DLEU7: variants seen among roughly 807,000 people sequenced by gnomAD.
DLEU7 encodes leukemia-associated protein 7.
A neutral mutation model predicts 16.0 loss-of-function variants in DLEU7; 17 were observed. The observed-to-expected ratio is 1.06, with a 90% CI of 0.73 to 1.59. The LOEUF (loss-of-function observed/expected upper bound fraction) is 1.59. Ranked by LOEUF, DLEU7 falls within the 40% of genes most tolerant of loss-of-function variation. The pLI, the probability that DLEU7 is intolerant of heterozygous loss-of-function variation, is 0.00. For synonymous variants in DLEU7, 113 were observed against 139.8 expected (o/e 0.81, Z 1.35); for missense variants, 308 against 314.9 (o/e 0.98, Z 0.17).
intron 1 of DLEU7, among the ~76,000 whole-genome samples, chr13:50,749,284 A>G (rs963156025): frequency 6.6e-6 from 1 of 152,008 alleles, no homozygotes; most frequent in African/African-American, 2.4e-5. Context: ...CTATTTTTAT[A>G]TATCTATATA....
chr13:50,758,551 C>A (rs1269512301), intron 1 of DLEU7, among the ~76,000 whole-genome samples: 1 of 152,180 alleles, frequency 6.6e-6, no homozygotes, highest in Admixed American at 6.5e-5. Flanking sequence ...GTTAAGCAGT[C>A]ACTTAGGGCT....
chr13:50,738,687 C>G (rs1470104790), intron 1 of DLEU7, among the ~76,000 whole-genome samples: 1 of 152,044 alleles, frequency 6.6e-6, no homozygotes, highest in Admixed American at 6.6e-5. Flanking sequence ...ACAATGAGAT[C>G]ATAGTATAGT....
At chr13:50,734,430 T>G (rs1406304537) in intron 1 of DLEU7, among the ~76,000 whole-genome samples, 1 of 152,164 alleles carries the variant, frequency 6.6e-6, no homozygotes. Flanking sequence ...TTTTTAAAAC[T>G]TAATGATCTA....
chr13:50,731,479 T>C (rs1378150180), intron 1 of DLEU7, among the ~76,000 whole-genome samples: 3 of 152,198 alleles, frequency 2.0e-5, no homozygotes, highest in East Asian at 3.8e-4. Context: ...AAATCATCTC[T>C]TATTGTGATA....
chr13:50,745,119 A>G (rs1210762746), intron 1 of DLEU7, among the ~76,000 whole-genome samples: 1 of 152,218 alleles, frequency 6.6e-6, no homozygotes, highest in Admixed American at 6.5e-5. Context: ...TTGTACACCT[A>G]TGTTCACAGC....
downstream of DLEU7, among the ~76,000 whole-genome samples, chr13:50,820,894 A>C (rs754971619): frequency 6.6e-6 from 1 of 152,160 alleles, no homozygotes; most frequent in Non-Finnish European, 1.5e-5. Context: ...AATCAGTATA[A>C]ACAGTATCAA....
At chr13:50,840,492 C>T (rs941030409) in intron 1 of DLEU7, among the ~76,000 whole-genome samples, 3 of 152,186 alleles carry the variant, frequency 2.0e-5, no homozygotes, top group East Asian at 3.9e-4. Context: ...CGAAAGCCCT[C>T]GCTGTTCCCA....
intron 1 of DLEU7, among the ~76,000 whole-genome samples, chr13:50,767,871 C>G (rs1330809025): frequency 6.6e-6 from 1 of 152,180 alleles, no homozygotes; most frequent in Non-Finnish European, 1.5e-5. Context: ...TCTGGCTGTT[C>G]TCTAGCACTA....
chr13:50,837,293 C>T (rs1211608662), intron 1 of DLEU7, among the ~76,000 whole-genome samples: 1 of 152,114 alleles, frequency 6.6e-6, no homozygotes, highest in African/African-American at 2.4e-5. Context: ...GCTCACCAGG[C>T]AAACCCAAAA....
chr13:50,790,351 G>A lies in DLEU7; in HGVS notation c.459+52837C>T, dbSNP rs572800606. On this transcript the variant is annotated intron_variant, in intron 1 of 1. Coordinates refer to the DLEU7 transcript ENST00000400393. ...TGAAGGGGGAGGGAGTTGTGTGTGAGAGAAGTTTGTTTTCCTTCTCCCAAA... is the reference window on the plus strand; with the variant it reads ...TGAAGGGGGAGGGAGTTGTGTGTGAAAGAAGTTTGTTTTCCTTCTCCCAAA... 2.0e-5 allele frequency among the ~76,000 whole-genome samples: 3 copies of A among 152,276 alleles called. No individual in the cohort carries two copies. In the East Asian group the frequency reaches 5.8e-4, roughly 29 times the overall value.
chr13:50,733,514 C>G (rs983662488), intron 1 of DLEU7, among the ~76,000 whole-genome samples: 2 of 152,092 alleles, frequency 1.3e-5, no homozygotes, highest in Non-Finnish European at 2.9e-5. Flanking sequence ...CTCATAACAC[C>G]ACCCAGAGAC....
Position 50,772,913 on chromosome 13 carries a change from TAG to T in DLEU7, c.460-59675_460-59674del, listed in dbSNP as rs1357985415. Among the ~76,000 whole-genome samples the T allele has an allele frequency of 7.2e-5, 11 of 152,220 alleles. No homozygotes were observed. In the East Asian group the frequency reaches 2.1e-3, roughly 29 times the overall value. ...CACTTTCAGGTACACCAATCAAATGTAGATTTGGTCTTTTCACATAGTCCTAT... is the reference window on the plus strand; with the variant it reads ...CACTTTCAGGTACACCAATCAAATGTATTTGGTCTTTTCACATAGTCCTAT... On this transcript the variant is annotated intron_variant, in intron 1 of 1. Transcript: ENST00000400393.
chr13:50,838,574 C>T lies in DLEU7; in HGVS notation c.459+4614G>A, dbSNP rs1298038241. 2.6e-5 allele frequency among the ~76,000 whole-genome samples: 4 copies of T among 152,134 alleles called. No homozygotes were observed. The East Asian group carries it at 5.8e-4, about 22-fold the overall frequency. The stretch of plus-strand genomic sequence containing the variant: ...GTGGCAAATGTTGAATGCATTCCTG[C>T]TAGTATTACTAGTTTGATAGTGATG... On this transcript the variant is annotated intron_variant, in intron 1 of 1. Transcript: ENST00000504404.
At chr13:50,713,264 C>T in intron 1 of DLEU7, 1 of 1,605,708 alleles carries the variant, frequency 6.2e-7, no homozygotes. Context: ...AGCATAATAT[C>T]TCAAATGCTT....
chr13:50,767,317 G>A (rs186124553), intron 1 of DLEU7, among the ~76,000 whole-genome samples: 3,605 of 152,160 alleles, frequency 0.024, 64 homozygotes, highest in Non-Finnish European at 0.037. Context: ...TTAGCCGGGC[G>A]TGGTGGCGGG....
intron 1 of DLEU7, among the ~76,000 whole-genome samples, chr13:50,783,953 G>A (rs1159797751): frequency 6.6e-6 from 1 of 152,176 alleles, no homozygotes; most frequent in Non-Finnish European, 1.5e-5. Context: ...AAAGATCACA[G>A]ACTTACCACT....
intron 1 of DLEU7, among the ~76,000 whole-genome samples, chr13:50,807,289 C>A (rs1342425812): frequency 6.6e-6 from 1 of 151,912 alleles, no homozygotes; most frequent in Non-Finnish European, 1.5e-5. Flanking sequence ...TCTATTATTT[C>A]TTAGAATCCT....
At chr13:50,790,532 T>C (rs1875926126) in intron 1 of DLEU7, among the ~76,000 whole-genome samples, 1 of 152,128 alleles carries the variant, frequency 6.6e-6, no homozygotes, top group African/African-American at 2.4e-5. Context: ...AGTCTGACCA[T>C]CATTCTTGTT....
At chr13:50,822,096 A>G (rs1312540240), downstream of DLEU7, among the ~76,000 whole-genome samples, 1 of 152,086 alleles carries the variant, frequency 6.6e-6, no homozygotes, top group Non-Finnish European at 1.5e-5. Flanking sequence ...AGACACACAG[A>G]GCATCTGCCT....
Sources: allele counts gnomAD v4.1 joint callset (sites outside exome capture counted in the v4.1 genomes callset), GRCh38; gene constraint gnomAD v4.1.1; transcripts MANE v1.5; gene names NCBI Gene and HGNC (gene_info 2026-07-23, HGNC 2026-07-21).